The following ITGAM variants were observed in gnomAD, a reference collection of about 807,000 sequenced individuals.
ITGAM encodes integrin alpha-M.
A neutral mutation model predicts 137.5 loss-of-function variants in ITGAM; 79 were observed. The observed-to-expected ratio is 0.57, with a 90% CI of 0.48 to 0.69. The LOEUF is 0.69. ITGAM is among the 30% of genes least tolerant of loss of function. The probability of loss-of-function intolerance (pLI) is 0.00; values close to 1 mark genes in which losing one functional copy is unlikely to be tolerated. For synonymous variants in ITGAM, 583 were observed against 592.3 expected (o/e 0.98, Z 0.23); for missense variants, 1,343 against 1,483.5 (o/e 0.91, Z 1.56).
intron 14 of ITGAM, among the ~76,000 whole-genome samples, chr16:31,299,769 T>TCCC: frequency 7.8e-6 from 1 of 127,758 alleles, no homozygotes; most frequent in South Asian, 2.4e-4. Flanking sequence ...CTCCTCTTCC[T>TCCC]CCTCCTCCTC....
intron 12 of ITGAM, among the ~76,000 whole-genome samples, chr16:31,284,382 G>C (rs897028320): frequency 6.6e-6 from 1 of 152,118 alleles, no homozygotes; most frequent in Non-Finnish European, 1.5e-5. Flanking sequence ...CACCCAGTTC[G>C]AACTTCCTGG....
intron 5 of ITGAM, among the ~76,000 whole-genome samples, chr16:31,270,333 C>G (rs2079818982): frequency 6.6e-6 from 1 of 151,596 alleles, no homozygotes; most frequent in Admixed American, 6.6e-5. Flanking sequence ...AACTCCTGAT[C>G]TCAAGTGATC....
intron 22 of ITGAM, 49 bp from the exon 23 acceptor site, chr16:31,328,098 C>CT (rs756497696): frequency 7.1e-7 from 1 of 1,414,596 alleles, no homozygotes; most frequent in Non-Finnish European, 1.0e-6. Flanking sequence ...GGAGCAAAGA[C>CT]TAACTGTCAG....
chr16:31,316,638 T>C (rs529942108), intron 14 of ITGAM, among the ~76,000 whole-genome samples: 1 of 152,320 alleles, frequency 6.6e-6, no homozygotes, highest in Non-Finnish European at 1.5e-5. Context: ...TTGTTTTTTC[T>C]ATTTCTGTAA....
intron 14 of ITGAM, among the ~76,000 whole-genome samples, chr16:31,313,073 C>T (rs1172636676): frequency 2.0e-5 from 3 of 152,046 alleles, no homozygotes; most frequent in Non-Finnish European, 4.4e-5. Flanking sequence ...CAAAAATTAG[C>T]TGGGCTTGGT....
intron 12 of ITGAM, among the ~76,000 whole-genome samples, chr16:31,282,753 C>T (rs1213815770): frequency 5.9e-5 from 9 of 152,142 alleles, no homozygotes; most frequent in Non-Finnish European, 1.3e-4. Context: ...GAATTAGATC[C>T]TGTCATTATG....
intron 2 of ITGAM, 26 bp from the exon 3 acceptor site, chr16:31,265,369 T>C: frequency 2.1e-6 from 3 of 1,423,456 alleles, no homozygotes; most frequent in Non-Finnish European, 2.9e-6. Flanking sequence ...TGTCGAAGTT[T>C]TCTCTGTTCC....
intron 5 of ITGAM, among the ~76,000 whole-genome samples, chr16:31,269,674 C>T (rs1176121484): frequency 6.6e-6 from 1 of 152,132 alleles, no homozygotes; most frequent in Admixed American, 6.5e-5. Flanking sequence ...CCATCAGGGA[C>T]TTTCCAAGCC....
At chr16:31,298,204 CAAAAAA>C (rs61202942) in intron 14 of ITGAM, among the ~76,000 whole-genome samples, 11 of 77,828 alleles carry the variant, frequency 1.4e-4, no homozygotes, top group African/African-American at 5.1e-4. Context: ...CCCATCTCTC[CAAAAAA>C]AAAAAAAAAA....
At chr16:31,331,353 G>A (rs1466079665) in intron 29 of ITGAM, 78 bp downstream of exon 29, 3 of 764,736 alleles carry the variant, frequency 3.9e-6, no homozygotes, top group South Asian at 1.5e-5. Flanking sequence ...CGGTTTCCCC[G>A]GCGGGGCTGC....
intron 14 of ITGAM, among the ~76,000 whole-genome samples, chr16:31,302,495 C>CTTCT (rs1270929378): frequency 1.4e-4 from 8 of 55,176 alleles, no homozygotes; most frequent in Non-Finnish European, 1.1e-4. Context: ...TTTTTCTTTC[C>CTTCT]TTCTTTCTTT....
intron 14 of ITGAM, among the ~76,000 whole-genome samples, chr16:31,302,225 A>G (rs960035807): frequency 1.3e-5 from 2 of 152,166 alleles, no homozygotes; most frequent in African/African-American, 4.8e-5. Flanking sequence ...CTGTTGTGCA[A>G]TAGCAGGCAT....
chr16:31,272,935 G>A (rs1026494910), intron 7 of ITGAM, among the ~76,000 whole-genome samples: 7 of 151,928 alleles, frequency 4.6e-5, no homozygotes, highest in East Asian at 1.9e-4. Flanking sequence ...CAGGGGAGAC[G>A]GAGCCCCTCC....
intron 9 of ITGAM, 37 bp from the exon 10 acceptor site, chr16:31,276,634 C>CT: frequency 2.6e-6 from 4 of 1,518,138 alleles, no homozygotes; most frequent in Non-Finnish European, 3.6e-6. Context: ...GCCCGGCCTT[C>CT]TGCTTTCTTT....
chr16:31,325,294 G>A lies in ITGAM; in HGVS notation c.2395G>A (p.Glu799Lys). Residue 799 changes from glutamate to lysine, a missense_variant, in exon 20 of 30, where the codon GAG (glutamate) becomes AAG (lysine). Physicochemically the swap from Glu to Lys is moderately conservative, Grantham distance 56 (BLOSUM62 1). Coordinates refer to ENST00000544665, the MANE Select transcript of ITGAM (RefSeq NM_000632.4). ...CTGCCTCGTGGTGGGTGGGCCCCGGGAGTTCAACGTGACAGTGACTGTGAG... is the reference window on the plus strand; with the variant it reads ...CTGCCTCGTGGTGGGTGGGCCCCGGAAGTTCAACGTGACAGTGACTGTGAG... The part of the protein sequence containing the change: ...LDCLVVGGPR[E>K]FNVTVTVRND... 3 of 1,613,768 alleles carry A rather than the reference G, an allele frequency of 1.9e-6. No homozygotes were observed. The highest frequency in any genetic ancestry group is 2.5e-6 in the Non-Finnish European group (3 of 1,179,746).
rs1247186693 is a variant in ITGAM, at chr16:31,289,432, A to C, written c.1357-8082A>C. ...ATGGAATACTATGCAGCCATAAAAA[A>C]GGATGAGTTCATGTCTTTTGTAGGG... On this transcript the variant is annotated intron_variant, in intron 12 of 29. Coordinates refer to ENST00000544665, the MANE Select transcript of ITGAM (RefSeq NM_000632.4). Among the ~76,000 whole-genome samples, 10 of 152,336 alleles carry C rather than the reference A, an allele frequency of 6.6e-5. No homozygotes were observed. In the East Asian group the frequency reaches 1.9e-3, roughly 29 times the overall value.
chr16:31,271,836 C>T lies in ITGAM; in HGVS notation c.559-11C>T, dbSNP rs764624142. On this transcript the variant is annotated splice_polypyrimidine_tract_variant and intron_variant, in intron 6 of 29. Transcript: ENST00000544665. ...CCTTCTCCAGCATCACACCAGCCGC[C>T]CCCTCCGCAGTTCTCTTTGATGCAG... 2 of 1,613,928 alleles carry T rather than the reference C, an allele frequency of 1.2e-6. No homozygotes were observed. Among genetic ancestry groups the T allele is most frequent in the East Asian group, 2.2e-5 (1 of 44,872 alleles).
intron 25 of ITGAM, 82 bp downstream of exon 25, chr16:31,329,987 T>G (rs1306178076): frequency 2.0e-6 from 3 of 1,526,602 alleles, no homozygotes; most frequent in Non-Finnish European, 2.7e-6. Flanking sequence ...TTAGAGCCGC[T>G]CCGCCCCTCT....
intron 7 of ITGAM, among the ~76,000 whole-genome samples, chr16:31,272,443 A>G (rs1206612683): frequency 0.013 from 203 of 15,748 alleles, 15 homozygotes; most frequent in African/African-American, 0.023. Context: ...ATATATATAT[A>G]TATATATATA....
Sources: allele counts gnomAD v4.1 joint callset (sites outside exome capture counted in the v4.1 genomes callset), GRCh38; gene constraint gnomAD v4.1.1; transcripts MANE v1.5; gene names NCBI Gene and HGNC (gene_info 2026-07-23, HGNC 2026-07-21).